KCNMB2: variants seen among roughly 807,000 people sequenced by gnomAD.
KCNMB2 encodes calcium-activated potassium channel subunit beta-2.
A neutral mutation model predicts 24.5 loss-of-function variants in KCNMB2; 9 were observed. The ratio of observed to expected loss-of-function variants is 0.37; its 90% CI spans 0.22 to 0.64. The LOEUF is 0.64. KCNMB2 is among the 30% of genes least tolerant of loss of function. The pLI is 0.63. For synonymous variants in KCNMB2, 109 were observed against 104.4 expected (o/e 1.04, Z -0.27); for missense variants, 226 against 284.3 (o/e 0.79, Z 1.47).
At chr3:178,790,703 G>A (rs1560023047) in intron 1 of KCNMB2, among the ~76,000 whole-genome samples, 1 of 152,200 alleles carries the variant, frequency 6.6e-6, no homozygotes, top group Non-Finnish European at 1.5e-5. Context: ...CCCAGTGGTG[G>A]TGGCCACAGA....
chr3:178,552,577 G>A (rs900526783), intron 1 of KCNMB2, among the ~76,000 whole-genome samples: 10 of 152,046 alleles, frequency 6.6e-5, no homozygotes, highest in Non-Finnish European at 1.5e-5. Context: ...TTAATATGAT[G>A]CATGGGGCTG....
At chr3:178,577,744 T>C (rs2108485730) in intron 1 of KCNMB2, among the ~76,000 whole-genome samples, 1 of 152,102 alleles carries the variant, frequency 6.6e-6, no homozygotes, top group Non-Finnish European at 1.5e-5. Flanking sequence ...CAAATATCAA[T>C]AGCCGAATCG....
chr3:178,627,992 T>C (rs140373675), intron 1 of KCNMB2, among the ~76,000 whole-genome samples: 121 of 152,328 alleles, frequency 7.9e-4, no homozygotes, highest in Non-Finnish European at 1.3e-3. Flanking sequence ...CTAATGACAA[T>C]GAGCGCAAAC....
At chr3:178,614,315 G>GTATA (rs1174828736) in intron 1 of KCNMB2, among the ~76,000 whole-genome samples, 2 of 102,438 alleles carry the variant, frequency 2.0e-5, no homozygotes, top group African/African-American at 3.5e-5. Flanking sequence ...ATATATGTAT[G>GTATA]TGTATATATA....
At chr3:178,590,200 T>C (rs370999112) in intron 1 of KCNMB2, among the ~76,000 whole-genome samples, 1 of 152,200 alleles carries the variant, frequency 6.6e-6, no homozygotes, top group African/African-American at 2.4e-5. Flanking sequence ...TCTTATTTAG[T>C]GCTGGAAGGT....
At chr3:178,771,374 G>A (rs1002336324) in intron 1 of KCNMB2, among the ~76,000 whole-genome samples, 1 of 151,728 alleles carries the variant, frequency 6.6e-6, no homozygotes, top group Admixed American at 6.6e-5. Context: ...CCCTGCAGCA[G>A]CTCTCCACTT....
chr3:178,813,927 C>T (rs759908547), intron 2 of KCNMB2, among the ~76,000 whole-genome samples: 34 of 151,896 alleles, frequency 2.2e-4, no homozygotes, highest in Non-Finnish European at 3.5e-4. Context: ...TTGAACGACC[C>T]CTACTCTCAT....
At chr3:178,536,968 GT>G (rs1406018031) in intron 1 of KCNMB2, among the ~76,000 whole-genome samples, 11 of 152,164 alleles carry the variant, frequency 7.2e-5, no homozygotes, top group African/African-American at 2.7e-4. Context: ...TTCCTGTGGA[GT>G]AGAATGCTTA....
chr3:178,724,822 G>C (rs1006191402), intron 1 of KCNMB2, among the ~76,000 whole-genome samples: 4 of 152,088 alleles, frequency 2.6e-5, no homozygotes, highest in Admixed American at 1.3e-4. Flanking sequence ...TGGGTGTGCA[G>C]GTTTATTTCA....
chr3:178,651,846 G>T (rs1214844580), intron 1 of KCNMB2, among the ~76,000 whole-genome samples: 1 of 152,190 alleles, frequency 6.6e-6, no homozygotes, highest in African/African-American at 2.4e-5. Context: ...AATAAACAGT[G>T]TTGGGAAAAC....
intron 1 of KCNMB2, among the ~76,000 whole-genome samples, chr3:178,743,965 C>A (rs1403162654): frequency 6.6e-6 from 1 of 152,194 alleles, no homozygotes. Flanking sequence ...TGTGAAATAT[C>A]ATTAGCAAAT....
intron 1 of KCNMB2, among the ~76,000 whole-genome samples, chr3:178,742,128 A>G (rs565374083): frequency 6.6e-6 from 1 of 152,342 alleles, no homozygotes; most frequent in East Asian, 1.9e-4. Context: ...ACACCTTATA[A>G]AGGCAGTTTC....
intron 1 of KCNMB2, among the ~76,000 whole-genome samples, chr3:178,723,146 A>G (rs1345588417): frequency 1.3e-5 from 2 of 152,168 alleles, no homozygotes; most frequent in Non-Finnish European, 2.9e-5. Context: ...TAATATAATA[A>G]TATAATTCCT....
In KCNMB2 at chr3:178,686,630, A is replaced by G. The variant is rs892004489; in HGVS notation, c.-67-120713A>G. 4.6e-5 allele frequency among the ~76,000 whole-genome samples: 7 copies of G among 152,298 alleles called. No individual in the cohort carries two copies. In the East Asian group the frequency reaches 1.2e-3, roughly 25 times the overall value. The stretch of plus-strand genomic sequence containing the variant: ...GTTCTCTCAAATTCCAAGGTGTCCT[A>G]TTTGGGGATACCATGTCCTAAATCC... On this transcript the variant is annotated intron_variant, in intron 1 of 4. Coordinates refer to ENST00000452583, the MANE Select transcript of KCNMB2 (RefSeq NM_181361.3).
intron 1 of KCNMB2, among the ~76,000 whole-genome samples, chr3:178,572,965 G>C (rs973175862): frequency 6.6e-6 from 1 of 152,016 alleles, no homozygotes; most frequent in Admixed American, 6.6e-5. Context: ...ATTGTAGTAG[G>C]TTCTCCAGAA....
At chr3:178,809,665 T>G (rs748811727) in intron 2 of KCNMB2, among the ~76,000 whole-genome samples, 12 of 152,222 alleles carry the variant, frequency 7.9e-5, no homozygotes, top group African/African-American at 2.9e-4. Context: ...AAAATAGAGT[T>G]GGATATTGCA....
rs140376248 is a variant in KCNMB2, at chr3:178,651,712, C to T, written c.-68+115001C>T. 9.7e-3 allele frequency among the ~76,000 whole-genome samples: 1,473 copies of T among 152,204 alleles called. 32 individuals are homozygous for T. Among genetic ancestry groups the T allele is most frequent in the African/African-American group, 0.034 (1,407 of 41,526 alleles). ...TAACCAAAACAGCATGGTACTGGTA[C>T]CAAAACAGATAAATAGAACAATGGA... On this transcript the variant is annotated intron_variant, in intron 1 of 4. Transcript: ENST00000452583.
chr3:178,764,032 A>G (rs1403766912), intron 1 of KCNMB2, among the ~76,000 whole-genome samples: 1 of 152,174 alleles, frequency 6.6e-6, no homozygotes. Flanking sequence ...AGATAACTAA[A>G]TGTTCAAGGT....
At position 178,703,160 on chromosome 3, in the gene KCNMB2, G is replaced by A. The variant is rs1015430887; in HGVS notation, c.-67-104183G>A. On this transcript the variant is annotated intron_variant, in intron 1 of 4. Coordinates refer to ENST00000452583, the MANE Select transcript of KCNMB2 (RefSeq NM_181361.3). ...GGAGAGAGATGATGACAATGACCAC[G>A]AGTTCTTGACCAATAATATTAATAA... 2.0e-5 allele frequency among the ~76,000 whole-genome samples: 3 copies of A among 152,100 alleles called. No individual in the cohort carries two copies. In the East Asian group the frequency reaches 5.8e-4, roughly 29 times the overall value.
Sources: allele counts gnomAD v4.1 joint callset (sites outside exome capture counted in the v4.1 genomes callset), GRCh38; gene constraint gnomAD v4.1.1; transcripts MANE v1.5; gene names NCBI Gene and HGNC (gene_info 2026-07-23, HGNC 2026-07-21).